Variants in PLXDC2 observed in about 807,000 individuals in gnomAD.
PLXDC2 encodes the protein plexin domain containing 2.
PLXDC2 carries 40 observed loss-of-function variants against 68.9 expected under a neutral mutation model. The observed-to-expected ratio is 0.58, with a 90% CI of 0.45 to 0.76. PLXDC2 has a LOEUF of 0.76. Among genes scored for constraint, PLXDC2 ranks in the 30% least tolerant of loss-of-function variants. The pLI, the probability that PLXDC2 is intolerant of heterozygous loss-of-function variation, is 0.00. For synonymous variants in PLXDC2, 243 were observed against 234.2 expected, an observed-to-expected ratio of 1.04 and a Z score of -0.34; for missense variants, 644 against 661.9, an observed-to-expected ratio of 0.97 and a Z score of 0.30.
chr10:20,032,995 G>A (rs1835524987), intron 2 of PLXDC2, among the ~76,000 whole-genome samples: 1 of 142,332 alleles, frequency 7.0e-6, no homozygotes, highest in Non-Finnish European at 1.5e-5. Flanking sequence ...AGAACACTTG[G>A]ACACAGGAAG....
chr10:20,140,230 C>A (rs971268714), intron 4 of PLXDC2, among the ~76,000 whole-genome samples: 1 of 151,918 alleles, frequency 6.6e-6, no homozygotes, highest in Non-Finnish European at 1.5e-5. Context: ...ACCTGGGAGG[C>A]GGATCTTGCA....
At chr10:19,897,609 T>A (rs1489759401) in intron 1 of PLXDC2, among the ~76,000 whole-genome samples, 2 of 152,198 alleles carry the variant, frequency 1.3e-5, no homozygotes, top group Non-Finnish European at 2.9e-5. Context: ...CATAAGTACA[T>A]GCTTCTGTGT....
chr10:20,073,116 G>C (rs1203203867), intron 4 of PLXDC2, among the ~76,000 whole-genome samples: 2 of 152,174 alleles, frequency 1.3e-5, no homozygotes, highest in African/African-American at 4.8e-5. Flanking sequence ...TTGACTGTCA[G>C]TTCTTTTTGT....
At chr10:20,255,236 C>T (rs1173935244) in intron 13 of PLXDC2, among the ~76,000 whole-genome samples, 1 of 147,414 alleles carries the variant, frequency 6.8e-6, no homozygotes, top group Non-Finnish European at 1.5e-5. Flanking sequence ...TAGATAGATA[C>T]CACAGAAAGA....
At chr10:19,918,391 G>C (rs1038951058) in intron 1 of PLXDC2, among the ~76,000 whole-genome samples, 10 of 152,182 alleles carry the variant, frequency 6.6e-5, no homozygotes, top group African/African-American at 2.2e-4. Context: ...GAACAGGGCA[G>C]GTAGAGTTCA....
At chr10:20,110,870 T>C (rs184906940) in intron 4 of PLXDC2, among the ~76,000 whole-genome samples, 7 of 152,318 alleles carry the variant, frequency 4.6e-5, no homozygotes, top group Admixed American at 4.6e-4. Flanking sequence ...ACAGACTCTG[T>C]TTGAGCCATC....
At chr10:19,859,329 A>G (rs16919446) in intron 1 of PLXDC2, among the ~76,000 whole-genome samples, 10,835 of 152,258 alleles carry the variant, frequency 0.071, 445 homozygotes, top group African/African-American at 0.094. Flanking sequence ...GCAACGCTGT[A>G]AAACCACAAA....
intron 1 of PLXDC2, among the ~76,000 whole-genome samples, chr10:19,991,843 T>G (rs1345542890): frequency 6.6e-6 from 1 of 152,216 alleles, no homozygotes; most frequent in African/African-American, 2.4e-5. Context: ...TGGCCTCTTC[T>G]GCCTCAGCCA....
chr10:19,946,793 T>C (rs1466063010), intron 1 of PLXDC2, among the ~76,000 whole-genome samples: 1 of 152,068 alleles, frequency 6.6e-6, no homozygotes, highest in African/African-American at 2.4e-5. Context: ...CCTAGATCCC[T>C]CCATGTGCAG....
rs1040189411 is a variant in PLXDC2, at chr10:20,128,508, T to C, written c.542-14787T>C. On this transcript the variant is annotated intron_variant, in intron 4 of 13. Coordinates refer to ENST00000377252, the MANE Select transcript of PLXDC2 (RefSeq NM_032812.9). ...ACCTCACATAGTTACTTTTTTTTGG[T>C]AAGAACACGTAAGATCTATTCTTTT... Among the ~76,000 whole-genome samples, 3 of 152,170 alleles carry C rather than the reference T, an allele frequency of 2.0e-5. 1 individual carries two copies. The highest frequency in any genetic ancestry group is 2.0e-4 in the Admixed American group (3 of 15,272).
At chr10:19,900,483 A>T (rs1838139484) in intron 1 of PLXDC2, among the ~76,000 whole-genome samples, 1 of 152,184 alleles carries the variant, frequency 6.6e-6, no homozygotes, top group Admixed American at 6.5e-5. Flanking sequence ...GAGGAAAAAA[A>T]GCAAACACTG....
At chr10:20,056,652 A>T (rs1190327000) in intron 3 of PLXDC2, among the ~76,000 whole-genome samples, 4 of 152,192 alleles carry the variant, frequency 2.6e-5, no homozygotes, top group African/African-American at 9.6e-5. Flanking sequence ...TTTCTTTTGC[A>T]TATAACAAAC....
At chr10:19,951,299 A>T (rs1015286408) in intron 1 of PLXDC2, among the ~76,000 whole-genome samples, 2 of 152,170 alleles carry the variant, frequency 1.3e-5, no homozygotes, top group African/African-American at 4.8e-5. Flanking sequence ...TCAACAAACA[A>T]AGCAACCCCA....
At chr10:19,895,029 A>G (rs2131362993) in intron 1 of PLXDC2, among the ~76,000 whole-genome samples, 1 of 152,308 alleles carries the variant, frequency 6.6e-6, no homozygotes, top group East Asian at 1.9e-4. Flanking sequence ...AACCAACCCA[A>G]ATGCCCATCA....
chr10:20,104,651 G>A (rs1462261500), intron 4 of PLXDC2, among the ~76,000 whole-genome samples: 1 of 151,958 alleles, frequency 6.6e-6, no homozygotes, highest in Non-Finnish European at 1.5e-5. Context: ...TTGGCACGTG[G>A]GTTTTCTCTC....
chr10:19,917,981 G>T (rs540070427), intron 1 of PLXDC2, among the ~76,000 whole-genome samples: 2 of 152,042 alleles, frequency 1.3e-5, no homozygotes, highest in African/African-American at 2.4e-5. Context: ...ATTTCTCCTC[G>T]GGTTTGAATG....
intron 6 of PLXDC2, among the ~76,000 whole-genome samples, chr10:20,154,789 T>C (rs1564335124): frequency 6.6e-6 from 1 of 152,004 alleles, no homozygotes; most frequent in Non-Finnish European, 1.5e-5. Flanking sequence ...CTCGGGTTCT[T>C]TTTTTTCACT....
intron 4 of PLXDC2, among the ~76,000 whole-genome samples, chr10:20,108,982 A>G (rs1407409337): frequency 6.6e-6 from 1 of 152,190 alleles, no homozygotes; most frequent in East Asian, 1.9e-4. Flanking sequence ...AACTGAAATC[A>G]ACAAATGTCT....
Position 20,280,123 on chromosome 10 carries a change from T to C in PLXDC2, c.*304T>C, listed in dbSNP as rs551143988. On this transcript the variant is annotated 3_prime_UTR_variant, in exon 14 of 14. Transcript: ENST00000377252. ...ATGACAAGATTATAATGCTTTTGGCTTAGGTGCAGGGTTGCAAAGGGATCA... is the reference window on the plus strand; with the variant it reads ...ATGACAAGATTATAATGCTTTTGGCCTAGGTGCAGGGTTGCAAAGGGATCA... The C allele has an allele frequency of 2.6e-4, 68 of 262,892 alleles. No homozygotes were observed. The highest frequency in any genetic ancestry group is 1.5e-3 in the African/African-American group (66 of 45,280). 16.3% of individuals were successfully genotyped at this position (262,892 alleles called of 1,614,324 possible). A position where few individuals can be genotyped will look rare whatever the true frequency, so the allele number is the denominator to read the frequency against.
Sources: allele counts gnomAD v4.1 joint callset (sites outside exome capture counted in the v4.1 genomes callset), GRCh38; gene constraint gnomAD v4.1.1; transcripts MANE v1.5; gene names NCBI Gene and HGNC (gene_info 2026-07-23, HGNC 2026-07-21).